ZFAND6: variants seen among roughly 807,000 people sequenced by gnomAD.
ZFAND6 encodes the protein AN1-type zinc finger protein 6.
ZFAND6 carries 12 observed loss-of-function variants against 24.5 expected under a neutral mutation model. That is an observed-to-expected ratio of 0.49 (90% CI 0.31 to 0.79). The LOEUF is 0.79. ZFAND6 is among the 30% of genes least tolerant of loss of function. The pLI is 0.04. For missense variants in ZFAND6, 207 were observed against 245.9 expected (o/e 0.84, Z 1.06); for synonymous variants, 92 against 81.5 (o/e 1.13, Z -0.69).
Position 80,097,023 on chromosome 15 carries a change from G to A in ZFAND6, c.-180-1393G>A, listed in dbSNP as rs370259134. On this transcript the variant is annotated intron_variant, in intron 1 of 6. Coordinates refer to ENST00000261749, the MANE Select transcript of ZFAND6 (RefSeq NM_019006.4). ...GATTTTTTTTTTTTTTTTTTGAGAC[G>A]GTGTTTCCCTCTGTTGCCCAGGCTG... Among the ~76,000 whole-genome samples, 49 of 144,680 alleles carry A rather than the reference G, an allele frequency of 3.4e-4. No individual in the cohort carries two copies. In the East Asian group the frequency reaches 7.0e-3, roughly 21 times the overall value. 94.9% of individuals were successfully genotyped at this position (144,680 alleles called of 152,430 possible).
chr15:80,115,138 A>G (rs1475324858), intron 2 of ZFAND6: 2 of 152,290 alleles, frequency 1.3e-5, no homozygotes, highest in East Asian at 1.9e-4. Context: ...AACAGCACCA[A>G]CATCATAGTG....
intron 5 of ZFAND6, among the ~76,000 whole-genome samples, chr15:80,123,462 CAAGG>C (rs541875075): frequency 9.2e-5 from 14 of 152,238 alleles, no homozygotes; most frequent in African/African-American, 2.9e-4. Context: ...AACATGGTAA[CAAGG>C]AAGGATCTCT....
chr15:80,086,782 T>C (rs1409326642), intron 1 of ZFAND6, among the ~76,000 whole-genome samples: 1 of 152,210 alleles, frequency 6.6e-6, no homozygotes, highest in Non-Finnish European at 1.5e-5. Context: ...ATAAAAATTG[T>C]CCCAAACTGA....
chr15:80,119,055 A>C (rs1596302212), intron 2 of ZFAND6, among the ~76,000 whole-genome samples: 1 of 151,754 alleles, frequency 6.6e-6, no homozygotes, highest in East Asian at 1.9e-4. Context: ...AGTAACCTTC[A>C]CTTAGGAGAT....
At chr15:80,071,816 G>T (rs777642539) in intron 1 of ZFAND6, among the ~76,000 whole-genome samples, 1 of 151,428 alleles carries the variant, frequency 6.6e-6, no homozygotes, top group South Asian at 2.1e-4. Context: ...ATTAGAACAT[G>T]TGCCTTTTGC....
At chr15:80,131,345 C>A in intron 6 of ZFAND6, 52 bp downstream of exon 6, 4 of 1,468,908 alleles carry the variant, frequency 2.7e-6, no homozygotes, top group Non-Finnish European at 3.8e-6. Context: ...TATAATAATG[C>A]ATAGCTTACT....
At chr15:80,081,982 A>ATG (rs2037696352) in intron 1 of ZFAND6, among the ~76,000 whole-genome samples, 1 of 152,206 alleles carries the variant, frequency 6.6e-6, no homozygotes, top group African/African-American at 2.4e-5. Context: ...TTGAGACTGG[A>ATG]TGTACACTAA....
chr15:80,105,014 G>A lies in ZFAND6; in HGVS notation c.-18+6436G>A, dbSNP rs2039244897. Reference sequence around the variant, plus strand: ...TCATTCTAAGGTGGTGGGATTCCCTGTTGCTTGTGGGTTTAAGTTCAGACT... The same window carrying A: ...TCATTCTAAGGTGGTGGGATTCCCTATTGCTTGTGGGTTTAAGTTCAGACT... On this transcript the variant is annotated intron_variant, in intron 2 of 6. Coordinates refer to ENST00000261749, the MANE Select transcript of ZFAND6 (RefSeq NM_019006.4). 2.6e-5 allele frequency among the ~76,000 whole-genome samples: 4 copies of A among 152,270 alleles called. No individual in the cohort carries two copies. In the South Asian group the frequency reaches 8.3e-4, roughly 32 times the overall value.
intron 1 of ZFAND6, among the ~76,000 whole-genome samples, chr15:80,095,545 T>C (rs970132623): frequency 7.2e-5 from 11 of 152,362 alleles, no homozygotes; most frequent in African/African-American, 2.6e-4. Context: ...TTGGTAACTT[T>C]GTCTAAATCA....
At chr15:80,124,334 G>A (rs1235025645) in intron 5 of ZFAND6, among the ~76,000 whole-genome samples, 1 of 152,104 alleles carries the variant, frequency 6.6e-6, no homozygotes, top group African/African-American at 2.4e-5. Flanking sequence ...TGGGGAGGCT[G>A]AGGCAGGAGA....
At chr15:80,091,628 T>G (rs1311268142) in intron 1 of ZFAND6, among the ~76,000 whole-genome samples, 1 of 130,096 alleles carries the variant, frequency 7.7e-6, no homozygotes, top group Non-Finnish European at 1.6e-5. Context: ...TTTTAATATA[T>G]TTACTATTAA....
At chr15:80,135,548 T>A (rs1054750546) in intron 6 of ZFAND6, among the ~76,000 whole-genome samples, 1 of 152,200 alleles carries the variant, frequency 6.6e-6, no homozygotes, top group African/African-American at 2.4e-5. Context: ...AAAGAGTAGA[T>A]AAGATTTTGA....
chr15:80,108,816 C>T (rs920047807), intron 2 of ZFAND6, among the ~76,000 whole-genome samples: 54 of 152,000 alleles, frequency 3.6e-4, no homozygotes, highest in African/African-American at 1.2e-3. Context: ...CTGCAGCCTC[C>T]GCCTCCTGGG....
intron 1 of ZFAND6, among the ~76,000 whole-genome samples, chr15:80,077,841 A>G (rs538355298): frequency 1.1e-4 from 17 of 151,742 alleles, no homozygotes; most frequent in Non-Finnish European, 2.4e-4. Context: ...CTGGGACTAC[A>G]GGTGTCTGCC....
intron 5 of ZFAND6, among the ~76,000 whole-genome samples, chr15:80,125,828 T>C (rs939925342): frequency 2.6e-5 from 4 of 152,236 alleles, no homozygotes; most frequent in African/African-American, 9.6e-5. Flanking sequence ...CCTATCTTGG[T>C]ATGCCTGCTT....
At chr15:80,061,099 C>G (rs1229982540) in intron 1 of ZFAND6, among the ~76,000 whole-genome samples, 1 of 152,210 alleles carries the variant, frequency 6.6e-6, no homozygotes, top group Admixed American at 6.5e-5. Flanking sequence ...TGTATAGTTT[C>G]TCCAGAGCCC....
chr15:80,126,310 A>C (rs2040368619), intron 5 of ZFAND6, among the ~76,000 whole-genome samples: 1 of 152,236 alleles, frequency 6.6e-6, no homozygotes. Flanking sequence ...TTCTGATTCT[A>C]AAGAATGAGT....
At chr15:80,060,677 A>C (rs1365066281) in intron 1 of ZFAND6, 2 of 152,276 alleles carry the variant, frequency 1.3e-5, no homozygotes, top group Non-Finnish European at 2.9e-5. Context: ...TAATCCCAGC[A>C]CTTTGGGAGG....
At chr15:80,136,205 G>A (rs1038594797) in intron 6 of ZFAND6, among the ~76,000 whole-genome samples, 3 of 151,832 alleles carry the variant, frequency 2.0e-5, no homozygotes, top group African/African-American at 7.3e-5. Context: ...GGTGGCTCAT[G>A]CCTGTAGTCC....
Sources: allele counts gnomAD v4.1 joint callset (sites outside exome capture counted in the v4.1 genomes callset), GRCh38; gene constraint gnomAD v4.1.1; transcripts MANE v1.5; gene names NCBI Gene and HGNC (gene_info 2026-07-23, HGNC 2026-07-21).